NELL1: variants seen among roughly 807,000 people sequenced by gnomAD.
NELL1 encodes the protein neural EGFL like 1, also known as protein kinase C-binding protein NELL1.
NELL1 carries 76 observed loss-of-function variants against 107.4 expected under a neutral mutation model. That is an observed-to-expected ratio of 0.71 (90% CI 0.59 to 0.86). The LOEUF (loss-of-function observed/expected upper bound fraction) is 0.86, where lower values mean the gene tolerates loss of function less well. Among genes scored for constraint, NELL1 ranks in the 40% least tolerant of loss-of-function variants. NELL1 has a pLI of 0.00. For missense variants in NELL1, 1,024 were observed against 1,005.5 expected (o/e 1.02, Z -0.25); for synonymous variants, 353 against 341.2 (o/e 1.03, Z -0.38).
At chr11:21,448,553 T>G (rs2133854797) in intron 15 of NELL1, among the ~76,000 whole-genome samples, 1 of 152,340 alleles carries the variant, frequency 6.6e-6, no homozygotes, top group Admixed American at 6.5e-5. Context: ...TATAATATTT[T>G]TAGCACTTTG....
intron 12 of NELL1, among the ~76,000 whole-genome samples, chr11:21,011,546 C>T (rs1380939493): frequency 6.6e-6 from 1 of 152,102 alleles, no homozygotes; most frequent in Admixed American, 6.5e-5. Context: ...TGCAGACTGC[C>T]CTGGGGAGAT....
At chr11:20,991,430 T>G (rs138401602) in intron 12 of NELL1, among the ~76,000 whole-genome samples, 44 of 152,330 alleles carry the variant, frequency 2.9e-4, no homozygotes, top group African/African-American at 1.0e-3. Context: ...TTTGTACCAA[T>G]TATGTGCAAT....
At chr11:21,541,655 T>C (rs1856295744) in intron 16 of NELL1, among the ~76,000 whole-genome samples, 1 of 152,080 alleles carries the variant, frequency 6.6e-6, no homozygotes, top group African/African-American at 2.4e-5. Context: ...GAGAGGGGTT[T>C]TAAGGACATT....
intron 12 of NELL1, among the ~76,000 whole-genome samples, chr11:20,963,130 A>C (rs113843329): frequency 0.01 from 1,526 of 152,206 alleles, 22 homozygotes; most frequent in African/African-American, 0.035. Context: ...TAGCTCTAAG[A>C]ATGGTACCCT....
intron 15 of NELL1, among the ~76,000 whole-genome samples, chr11:21,446,713 G>A (rs1316509326): frequency 6.6e-6 from 1 of 152,208 alleles, no homozygotes; most frequent in South Asian, 2.1e-4. Context: ...ACTTCACTGG[G>A]TCATACCTGA....
chr11:21,129,172 G>A (rs1477133526), intron 13 of NELL1, among the ~76,000 whole-genome samples: 1 of 152,064 alleles, frequency 6.6e-6, no homozygotes, highest in East Asian at 1.9e-4. Flanking sequence ...GTGTATGTGT[G>A]TGTGTGTTGT....
intron 7 of NELL1, among the ~76,000 whole-genome samples, chr11:20,919,556 T>C (rs975238501): frequency 6.6e-6 from 1 of 152,076 alleles, no homozygotes; most frequent in Non-Finnish European, 1.5e-5. Context: ...TGAAAAATGC[T>C]TGGAAGCAAG....
chr11:20,948,457 A>G (rs1851007748), intron 11 of NELL1, among the ~76,000 whole-genome samples: 1 of 152,040 alleles, frequency 6.6e-6, no homozygotes, highest in South Asian at 2.1e-4. Flanking sequence ...GGTAATTGAG[A>G]TATCCATCAC....
intron 13 of NELL1, among the ~76,000 whole-genome samples, chr11:21,166,435 G>C (rs1348971055): frequency 6.6e-6 from 1 of 151,726 alleles, no homozygotes; most frequent in Non-Finnish European, 1.5e-5. Flanking sequence ...AATTTTAAAA[G>C]TTAAAAATGA....
At chr11:21,164,673 T>A (rs1403638669) in intron 13 of NELL1, among the ~76,000 whole-genome samples, 1 of 152,172 alleles carries the variant, frequency 6.6e-6, no homozygotes, top group Non-Finnish European at 1.5e-5. Flanking sequence ...TAGAGTAAGG[T>A]CAAGGAAAGT....
intron 5 of NELL1, among the ~76,000 whole-genome samples, chr11:20,886,902 TC>T (rs1185036388): frequency 6.6e-6 from 1 of 152,110 alleles, no homozygotes; most frequent in East Asian, 1.9e-4. Context: ...ATGTACAGTG[TC>T]ACAAGTTTTG....
chr11:20,766,228 G>A (rs1856525683), intron 2 of NELL1, among the ~76,000 whole-genome samples: 1 of 152,210 alleles, frequency 6.6e-6, no homozygotes, highest in Non-Finnish European at 1.5e-5. Flanking sequence ...GGCAGTAATA[G>A]TGCAGCACTT....
intron 13 of NELL1, among the ~76,000 whole-genome samples, chr11:21,130,996 T>C (rs1855602541): frequency 6.6e-6 from 1 of 152,138 alleles, no homozygotes; most frequent in Admixed American, 6.5e-5. Context: ...TTTTATGACA[T>C]CATATAATTG....
intron 15 of NELL1, among the ~76,000 whole-genome samples, chr11:21,401,407 T>C (rs1051488497): frequency 2.6e-5 from 4 of 151,878 alleles, no homozygotes; most frequent in African/African-American, 7.2e-5. Flanking sequence ...AATTCTTAAA[T>C]GAAAATCGCT....
intron 13 of NELL1, among the ~76,000 whole-genome samples, chr11:21,122,120 T>C (rs1855380714): frequency 6.6e-6 from 1 of 152,222 alleles, no homozygotes; most frequent in South Asian, 2.1e-4. Flanking sequence ...TGAACCACTT[T>C]GGCTGTTGCA....
At chr11:21,300,276 C>A (rs1483486221) in intron 14 of NELL1, among the ~76,000 whole-genome samples, 3 of 151,700 alleles carry the variant, frequency 2.0e-5, no homozygotes, top group Non-Finnish European at 4.4e-5. Flanking sequence ...GGGATGAGCT[C>A]AGGATGTTTA....
intron 2 of NELL1, among the ~76,000 whole-genome samples, chr11:20,737,226 T>C (rs1855782912): frequency 6.6e-6 from 1 of 152,136 alleles, no homozygotes; most frequent in South Asian, 2.1e-4. Flanking sequence ...CAGTTTGTTA[T>C]TGTTATTCTC....
chr11:20,927,424 C>T lies in NELL1; in HGVS notation c.876C>T (p.Cys292=). Residue 292 remains cysteine, a synonymous_variant, in exon 8 of 20, where the codon TGC becomes TGT. Coordinates refer to ENST00000357134, the MANE Select transcript of NELL1 (RefSeq NM_006157.5). Reference sequence around the variant, plus strand: ...ACTCTTGGGTAGATGGTGACCATTGCAGGAACTGCACTTGCAAAGTAAGCC... The same window carrying T: ...ACTCTTGGGTAGATGGTGACCATTGTAGGAACTGCACTTGCAAAGTAAGCC... ...DQDSWVDGDH[C]RNCTCKSGAV... is the part of the protein sequence containing the mutation. 6.2e-7 allele frequency: 1 copy of T among 1,610,420 alleles called. No individual in the cohort carries two copies. Among genetic ancestry groups the T allele is most frequent in the African/African-American group, 1.3e-5 (1 of 74,884 alleles).
At chr11:20,708,987 T>A (rs1309075584) in intron 2 of NELL1, among the ~76,000 whole-genome samples, 1 of 152,122 alleles carries the variant, frequency 6.6e-6, no homozygotes, top group African/African-American at 2.4e-5. Context: ...CAGTTCACAA[T>A]AGGGGTCATG....
Sources: gnomAD v4.1 joint callset for allele counts (sites outside exome capture counted in the v4.1 genomes callset) on GRCh38, gnomAD v4.1.1 for gene constraint, MANE v1.5 for transcripts, NCBI Gene and HGNC (gene_info 2026-07-23, HGNC 2026-07-21) for gene names.